Variants in ASCC1 observed in about 807,000 individuals in gnomAD.
ASCC1 encodes ASC-1 complex subunit P50.
In ASCC1, 35 loss-of-function variants were observed where a neutral mutation model predicts 46.6. That is an observed-to-expected ratio of 0.75 (90% CI 0.57 to 0.99). ASCC1 has a LOEUF of 0.99. ASCC1 is among the 50% of genes least tolerant of loss of function. ASCC1 has a pLI of 0.00. For missense variants in ASCC1, 376 were observed against 428.7 expected, an observed-to-expected ratio of 0.88 and a Z score of 1.09; for synonymous variants, 143 against 146.6, an observed-to-expected ratio of 0.98 and a Z score of 0.18.
At chr10:72,134,289 CT>C (rs1845937486) in intron 7 of ASCC1, 1 of 152,056 alleles carries the variant, frequency 6.6e-6, no homozygotes, top group Non-Finnish European at 1.5e-5. Flanking sequence ...TTTAAATTAG[CT>C]GGGCATGGTG....
intron 9 of ASCC1, among the ~76,000 whole-genome samples, chr10:72,121,289 G>A (rs1046966519): frequency 2.0e-5 from 3 of 151,626 alleles, no homozygotes; most frequent in African/African-American, 4.8e-5. Context: ...GACTACAGGC[G>A]TGCACCACCA....
At chr10:72,118,008 A>C (rs1843694414) in intron 9 of ASCC1, among the ~76,000 whole-genome samples, 2 of 152,228 alleles carry the variant, frequency 1.3e-5, no homozygotes, top group Admixed American at 6.5e-5. Context: ...ATAGATAATC[A>C]AGGAAAGACT....
intron 5 of ASCC1, among the ~76,000 whole-genome samples, chr10:72,172,962 TTA>T (rs906056106): frequency 2.4e-4 from 33 of 136,290 alleles, no homozygotes; most frequent in South Asian, 1.1e-3. Flanking sequence ...TTTTATATTT[TTA>T]TATATGTTAT....
intron 5 of ASCC1, among the ~76,000 whole-genome samples, chr10:72,182,588 A>C (rs569458535): frequency 6.6e-6 from 1 of 152,230 alleles, no homozygotes; most frequent in Non-Finnish European, 1.5e-5. Context: ...TAAGGAAAAA[A>C]GTCTAAAGAG....
intron 3 of ASCC1, among the ~76,000 whole-genome samples, chr10:72,207,037 C>T (rs1013127080): frequency 2.6e-5 from 4 of 152,150 alleles, no homozygotes; most frequent in African/African-American, 7.2e-5. Context: ...ATGACATATG[C>T]TATCCTCATT....
intron 5 of ASCC1, among the ~76,000 whole-genome samples, chr10:72,192,648 C>T (rs545260700): frequency 2.2e-4 from 33 of 152,178 alleles, no homozygotes; most frequent in East Asian, 5.8e-4. Context: ...TGTACACCAC[C>T]GTGCCTGGCT....
chr10:72,177,466 G>A (rs1301943295), intron 5 of ASCC1, among the ~76,000 whole-genome samples: 3 of 152,152 alleles, frequency 2.0e-5, no homozygotes, highest in Non-Finnish European at 4.4e-5. Flanking sequence ...GAGTTAGGGG[G>A]ATGCAGACCC....
chr10:72,188,441 T>C (rs908429734), intron 5 of ASCC1, among the ~76,000 whole-genome samples: 1 of 151,854 alleles, frequency 6.6e-6, no homozygotes, highest in African/African-American at 2.4e-5. Flanking sequence ...CTTCTAACAC[T>C]GCATATCCAT....
chr10:72,210,161 T>TTC (rs1480067589), intron 3 of ASCC1, among the ~76,000 whole-genome samples: 1 of 150,250 alleles, frequency 6.7e-6, no homozygotes, highest in African/African-American at 2.4e-5. Flanking sequence ...CTCTTTTCTT[T>TTC]TTTTTTTTTT....
intron 6 of ASCC1, among the ~76,000 whole-genome samples, chr10:72,159,989 C>T (rs2132664223): frequency 6.6e-6 from 1 of 150,810 alleles, no homozygotes; most frequent in East Asian, 1.9e-4. Context: ...ACTGCAAGCT[C>T]CGCCTCCCGG....
intron 4 of ASCC1, among the ~76,000 whole-genome samples, chr10:72,199,820 T>C (rs1856241220): frequency 6.6e-6 from 1 of 151,940 alleles, no homozygotes; most frequent in African/African-American, 2.4e-5. Flanking sequence ...TAGCCTCGAC[T>C]TTCCCAGATA....
intron 6 of ASCC1, among the ~76,000 whole-genome samples, chr10:72,157,621 C>T (rs546845465): frequency 9.2e-5 from 14 of 152,192 alleles, no homozygotes; most frequent in African/African-American, 3.4e-4. Flanking sequence ...TTTGATGGAT[C>T]GAGAACCAGA....
At position 72,190,340 on chromosome 10, in the gene ASCC1, T is replaced by C. The variant is rs530960073; in HGVS notation, c.489+6471A>G. 14 of 1,141,354 alleles carry C rather than the reference T, an allele frequency of 1.2e-5. No individual in the cohort carries two copies. The Admixed American group carries it at 2.0e-4, about 16-fold the overall frequency. 70.7% of individuals were successfully genotyped at this position (1,141,354 alleles called of 1,614,324 possible). On this transcript the variant is annotated intron_variant, in intron 5 of 9. Coordinates refer to ENST00000672957, the MANE Select transcript of ASCC1 (RefSeq NM_001198800.3). Reference sequence around the variant, plus strand: ...ATATTGGATTGGTGAAGATTCCACATACAAATTTTTTGAGGTTATCCTCAT... The same window carrying C: ...ATATTGGATTGGTGAAGATTCCACACACAAATTTTTTGAGGTTATCCTCAT...
At chr10:72,202,642 A>G (rs2133370535) in intron 4 of ASCC1, among the ~76,000 whole-genome samples, 1 of 152,262 alleles carries the variant, frequency 6.6e-6, no homozygotes, top group Non-Finnish European at 1.5e-5. Context: ...TTTCCTTATC[A>G]GAACAGTTAT....
intron 5 of ASCC1, among the ~76,000 whole-genome samples, chr10:72,183,024 A>G (rs559418896): frequency 1.9e-4 from 29 of 150,716 alleles, no homozygotes; most frequent in Non-Finnish European, 4.0e-4. Flanking sequence ...AGGCTGCCAG[A>G]TAAGAATGAC....
intron 7 of ASCC1, among the ~76,000 whole-genome samples, chr10:72,139,114 C>CTTTTTTT (rs1222967667): frequency 1.2e-4 from 16 of 130,698 alleles, no homozygotes; most frequent in East Asian, 4.3e-4. Context: ...TTTTCTTTTT[C>CTTTTTTT]TTTTTTTTTT....
At chr10:72,121,070 G>A (rs891108918) in intron 9 of ASCC1, among the ~76,000 whole-genome samples, 2 of 152,064 alleles carry the variant, frequency 1.3e-5, no homozygotes, top group African/African-American at 4.8e-5. Flanking sequence ...CCAATTAAGA[G>A]ACAGAGAGTG....
At chr10:72,158,132 G>A (rs7097179) in intron 6 of ASCC1, among the ~76,000 whole-genome samples, 19,599 of 152,118 alleles carry the variant, frequency 0.13, 3,997 homozygotes, top group African/African-American at 0.43. Flanking sequence ...ACCCACCCCT[G>A]AGATTTATCA....
At chr10:72,161,511 C>T in intron 6 of ASCC1, 27 bp downstream of exon 6, 1 of 1,614,090 alleles carries the variant, frequency 6.2e-7, no homozygotes, top group Non-Finnish European at 8.5e-7. Flanking sequence ...GTAGACCACC[C>T]AACCCCCATC....
Sources: allele counts gnomAD v4.1 joint callset (sites outside exome capture counted in the v4.1 genomes callset), GRCh38; gene constraint gnomAD v4.1.1; transcripts MANE v1.5; gene names NCBI Gene and HGNC (gene_info 2026-07-23, HGNC 2026-07-21).